Variants in PCDH15 observed in about 807,000 individuals in gnomAD.
The protein encoded by PCDH15 is protocadherin-15.
PCDH15 carries 129 observed loss-of-function variants against 178.5 expected under a neutral mutation model. The observed-to-expected ratio is 0.72, with a 90% CI of 0.63 to 0.84. PCDH15 has a LOEUF of 0.84. PCDH15 is among the 40% of genes least tolerant of loss of function. PCDH15 has a pLI of 0.00. For missense variants in PCDH15, 2,230 were observed against 2,099.9 expected, an observed-to-expected ratio of 1.06 and a Z score of -1.21; for synonymous variants, 800 against 732.0, an observed-to-expected ratio of 1.09 and a Z score of -1.50.
chr10:53,838,618 C>G (rs1266476546), intron 29 of PCDH15, among the ~76,000 whole-genome samples: 3 of 151,936 alleles, frequency 2.0e-5, no homozygotes, highest in African/African-American at 7.3e-5. Flanking sequence ...AAAAACAAAA[C>G]TAATGTATGC....
At chr10:53,873,516 T>G (rs117043109) in intron 26 of PCDH15, among the ~76,000 whole-genome samples, 3 of 152,216 alleles carry the variant, frequency 2.0e-5, no homozygotes, top group Admixed American at 1.3e-4. Flanking sequence ...TAGTAACTTG[T>G]TCATAATCAC....
rs112339828 is a variant in PCDH15 at position 54,026,520 on chromosome 10, C to T, written c.2221-3323G>A. 3.1e-3 allele frequency among the ~76,000 whole-genome samples: 471 copies of T among 152,292 alleles called. 3 individuals are homozygous for T. Among genetic ancestry groups the T allele is most frequent in the African/African-American group, 0.01 (430 of 41,568 alleles). ...AATTACGATATGTCAAGTACACACA[C>T]ATTTTGACTGAATCTATGACAACTT... On this transcript the variant is annotated intron_variant, in intron 18 of 37. Coordinates refer to ENST00000644397, the MANE Select transcript of PCDH15 (RefSeq NM_001384140.1).
intron 5 of PCDH15, among the ~76,000 whole-genome samples, chr10:54,365,348 C>A (rs1484679878): frequency 6.6e-6 from 1 of 152,006 alleles, no homozygotes; most frequent in East Asian, 1.9e-4. Context: ...AGATATAGCT[C>A]CATAAACAAT....
intron 1 of PCDH15, among the ~76,000 whole-genome samples, chr10:55,177,002 C>A (rs2132129821): frequency 6.6e-6 from 1 of 152,270 alleles, no homozygotes; most frequent in Non-Finnish European, 1.5e-5. Flanking sequence ...CTGAGGAAAT[C>A]TCTCAGGAGG....
intron 8 of PCDH15, among the ~76,000 whole-genome samples, chr10:54,260,992 G>A (rs1255504864): frequency 1.3e-5 from 2 of 152,050 alleles, no homozygotes; most frequent in Admixed American, 6.6e-5. Flanking sequence ...ACCGCTGTTG[G>A]TTTGATAATC....
chr10:55,347,174 A>C (rs7100238), intron 2 of PCDH15, among the ~76,000 whole-genome samples: 83,226 of 151,812 alleles, frequency 0.55, 23,366 homozygotes, highest in African/African-American at 0.65. Flanking sequence ...GAGATCGTGC[A>C]ACTGCACTCC....
chr10:53,824,642 T>A (rs2076550182), intron 32 of PCDH15, among the ~76,000 whole-genome samples: 1 of 152,034 alleles, frequency 6.6e-6, no homozygotes, highest in Admixed American at 6.5e-5. Context: ...AAACAAACAC[T>A]TTTACTCTTC....
rs1218338365 is a variant in PCDH15, at chr10:54,753,892, GTGTTT to G, written c.-29+47028_-29+47032del. On this transcript the variant is annotated intron_variant, in intron 1 of 37. Transcript: ENST00000644397. The stretch of plus-strand genomic sequence containing the variant: ...TTTGTTGTTGTTTTTTTGTTTGTTT[GTGTTT>G]TTTTTTTTTTTTTTGAGACTGAATC... Among the ~76,000 whole-genome samples the G allele has an allele frequency of 4.8e-3, 562 of 118,234 alleles. 2 individuals carry two copies. Among genetic ancestry groups the G allele is most frequent in the African/African-American group, 5.5e-3 (178 of 32,124 alleles). 77.6% of individuals were successfully genotyped at this position (118,234 alleles called of 152,430 possible). A position where few individuals can be genotyped will look rare whatever the true frequency, so the allele number is the denominator to read the frequency against.
intron 2 of PCDH15, among the ~76,000 whole-genome samples, chr10:55,458,584 C>G (rs1330185915): frequency 2.0e-5 from 3 of 151,950 alleles, no homozygotes; most frequent in Non-Finnish European, 4.4e-5. Context: ...AAATAAGAAA[C>G]ACCAGTGTCT....
At chr10:53,857,329 C>T in intron 27 of PCDH15, 66 bp from the exon 28 acceptor site, 1 of 1,162,758 alleles carries the variant, frequency 8.6e-7, no homozygotes, top group African/African-American at 1.5e-5. Flanking sequence ...TCAGAAAACC[C>T]CCACATTACC....
At position 54,392,164 on chromosome 10, in the gene PCDH15, T is replaced by TA. The variant is rs926806448; in HGVS notation, c.158-13223dup. ...TACACATTTGAAAGCTAGTTTAATT[T>TA]AAAAAAAAGTACTAATTTGGCCGGG... On this transcript the variant is annotated intron_variant, in intron 3 of 37. Coordinates refer to ENST00000644397, the MANE Select transcript of PCDH15 (RefSeq NM_001384140.1). Among the ~76,000 whole-genome samples, 231 of 151,694 alleles carry TA rather than the reference T, an allele frequency of 1.5e-3. 1 individual carries two copies. Among genetic ancestry groups the TA allele is most frequent in the African/African-American group, 5.5e-3 (228 of 41,360 alleles).
At chr10:55,600,250 G>C (rs1843044977) in intron 2 of PCDH15, among the ~76,000 whole-genome samples, 1 of 151,952 alleles carries the variant, frequency 6.6e-6, no homozygotes, top group Non-Finnish European at 1.5e-5. Flanking sequence ...TGTAGTCCCA[G>C]CTACCCAGGA....
chr10:54,341,211 C>T (rs952486448), intron 6 of PCDH15, among the ~76,000 whole-genome samples: 1 of 152,128 alleles, frequency 6.6e-6, no homozygotes, highest in Admixed American at 6.5e-5. Flanking sequence ...TGTGTCCCCA[C>T]CCAAAACAAA....
chr10:54,402,843 C>T (rs1168734042), intron 3 of PCDH15, among the ~76,000 whole-genome samples: 9 of 151,914 alleles, frequency 5.9e-5, no homozygotes. Flanking sequence ...CCTTAAGACA[C>T]AACAATATTA....
chr10:54,267,910 A>G (rs1362593257), intron 8 of PCDH15, among the ~76,000 whole-genome samples: 1 of 151,924 alleles, frequency 6.6e-6, no homozygotes, highest in Non-Finnish European at 1.5e-5. Flanking sequence ...CATTTTTTAC[A>G]CAGAATTAGA....
At chr10:54,959,587 C>T (rs1838588901) in intron 2 of PCDH15, among the ~76,000 whole-genome samples, 1 of 152,000 alleles carries the variant, frequency 6.6e-6, no homozygotes, top group Admixed American at 6.6e-5. Context: ...ATTAATATCA[C>T]TAATAGTGAG....
intron 2 of PCDH15, among the ~76,000 whole-genome samples, chr10:54,933,580 T>A (rs1419055975): frequency 6.6e-6 from 1 of 152,182 alleles, no homozygotes; most frequent in African/African-American, 2.4e-5. Context: ...ACAGGAAATT[T>A]ATCAGCATAA....
At position 54,877,913 on chromosome 10, in the gene PCDH15, T is replaced by TCTTA. The variant is rs146742873; in HGVS notation, c.-29+19533_-29+19536dup. 7.6e-3 allele frequency among the ~76,000 whole-genome samples: 1,112 copies of TCTTA among 146,168 alleles called. 16 individuals are homozygous for TCTTA. Among genetic ancestry groups the TCTTA allele is most frequent in the African/African-American group, 0.026 (1,035 of 39,856 alleles). On this transcript the variant is annotated intron_variant, in intron 3 of 5. Transcript: ENST00000458638. ...ACAATGAAATAAGATTTAGAAATTC[T>TCTTA]CTTATTCTCTTTCTCTCTCTCTCTC...
rs765141227 is a variant in PCDH15 at position 54,884,074 on chromosome 10, T to A, written c.-29+13376A>T. On this transcript the variant is annotated intron_variant, in intron 3 of 5. Transcript: ENST00000458638. Reference sequence around the variant, plus strand: ...GAGGTAATATCATGAGATTTATGTTTTTATGTGGCTCAAAACGGTACAACT... The same window carrying A: ...GAGGTAATATCATGAGATTTATGTTATTATGTGGCTCAAAACGGTACAACT... Among the ~76,000 whole-genome samples the A allele has an allele frequency of 7.2e-5, 11 of 152,160 alleles. 1 individual carries two copies. The highest frequency in any genetic ancestry group is 7.2e-4 in the Admixed American group (11 of 15,264).
Sources: gnomAD v4.1 joint callset for allele counts (sites outside exome capture counted in the v4.1 genomes callset) on GRCh38, gnomAD v4.1.1 for gene constraint, MANE v1.5 for transcripts, NCBI Gene and HGNC (gene_info 2026-07-23, HGNC 2026-07-21) for gene names.